The following TPBG variants were observed in gnomAD, a reference collection of about 807,000 sequenced individuals.
The protein encoded by TPBG is trophoblast glycoprotein, also known as 5T4 oncofetal antigen.
A neutral mutation model predicts 19.3 loss-of-function variants in TPBG; 13 were observed. The observed-to-expected ratio is 0.67, with a 90% CI of 0.44 to 1.07. The LOEUF is 1.07. Ranked by LOEUF, TPBG falls within the 50% of genes least tolerant of loss-of-function variation. The pLI, the probability that TPBG is intolerant of heterozygous loss-of-function variation, is 0.00. For missense variants in TPBG, 642 were observed against 559.6 expected, an observed-to-expected ratio of 1.15 and a Z score of -1.49; for synonymous variants, 338 against 259.8, an observed-to-expected ratio of 1.30 and a Z score of -2.89.
Position 82,364,899 on chromosome 6 carries a change from C to T in TPBG, c.-63C>T. ...TCCGCCGGCTCGCGCCCTCCGGGCCCAGCCTCCCGAGCCTTCGGAGCGGGC... is the reference window on the plus strand; with the variant it reads ...TCCGCCGGCTCGCGCCCTCCGGGCCTAGCCTCCCGAGCCTTCGGAGCGGGC... On this transcript the variant is annotated 5_prime_UTR_variant, in exon 2 of 2. Transcript: ENST00000369750. 1 of 1,319,480 alleles carries T rather than the reference C, an allele frequency of 7.6e-7. No individual in the cohort carries two copies. The highest frequency in any genetic ancestry group is 9.8e-7 in the Non-Finnish European group (1 of 1,018,848). 81.7% of individuals were successfully genotyped at this position (1,319,480 alleles called of 1,614,324 possible). A position where few individuals can be genotyped will look rare whatever the true frequency, so the allele number is the denominator to read the frequency against.
upstream of TPBG, chr6:82,363,647 AG>A (rs1767381284): frequency 6.6e-6 from 1 of 152,436 alleles, no homozygotes; most frequent in East Asian, 1.9e-4. Flanking sequence ...TTCCACCAGG[AG>A]GAGGCGCGCA....
chr6:82,365,145 T>C lies in TPBG; in HGVS notation c.184T>C (p.Cys62Arg). ...CGCCCAGCCCCCGCTGCCGGACCAGTGCCCCGCGCTGTGCGAGTGCTCCGA... is the reference window on the plus strand; with the variant it reads ...CGCCCAGCCCCCGCTGCCGGACCAGCGCCCCGCGCTGTGCGAGTGCTCCGA... The part of the protein sequence containing the change: ...VSAQPPLPDQ[C>R]PALCECSEAA... The change falls in exon 2 of 2, where the codon TGC becomes CGC. Residue 62 changes from cysteine (C) to arginine (R), a missense_variant. Coordinates refer to ENST00000369750, the MANE Select transcript of TPBG (RefSeq NM_001376922.1). The C allele has an allele frequency of 6.2e-7, 1 of 1,604,686 alleles. No individual in the cohort carries two copies. Among genetic ancestry groups the C allele is most frequent in the South Asian group, 1.1e-5 (1 of 89,824 alleles).
At chr6:82,363,982 A>T (rs890593026) in intron 1 of TPBG, 74 bp downstream of exon 1, 1 of 152,280 alleles carries the variant, frequency 6.6e-6, no homozygotes, top group African/African-American at 2.4e-5. Context: ...CCTCGGGTGG[A>T]GAGTAGGGTT....
chr6:82,363,789 G>T (rs1441115927), upstream of TPBG: 1 of 152,488 alleles, frequency 6.6e-6, no homozygotes, highest in African/African-American at 2.4e-5. Context: ...AGCTGCGGAG[G>T]TTGGGAGGTT....
In TPBG at chr6:82,365,347, G is replaced by T; in HGVS notation, c.386G>T (p.Arg129Leu). 6.3e-7 allele frequency: 1 copy of T among 1,579,038 alleles called. No individual in the cohort carries two copies. Among genetic ancestry groups the T allele is most frequent in the South Asian group, 1.1e-5 (1 of 87,004 alleles). Residue 129 changes from arginine to leucine, a missense_variant, in exon 2 of 2, where the codon CGC becomes CTC. Coordinates refer to ENST00000369750, the MANE Select transcript of TPBG (RefSeq NM_001376922.1). ...ELAALNLSGS[R>L]LDEVRAGAFE... ...GCCGCGCTCAACCTCAGCGGCAGCC[G>T]CCTGGACGAGGTGCGCGCGGGCGCC...
At position 82,367,158 on chromosome 6, in the gene TPBG, A is replaced by C. The variant is rs200388320; in HGVS notation, c.*934A>C. 8 of 167,228 alleles carry C rather than the reference A, an allele frequency of 4.8e-5. No individual in the cohort carries two copies. In the East Asian group the frequency reaches 1.5e-3, roughly 32 times the overall value. 10.4% of individuals were successfully genotyped at this position (167,228 alleles called of 1,614,324 possible). Reference sequence around the variant, plus strand: ...GGTCCCAAAGTTAATGCTATTTATGAAACAGTTTTGTAAGAACATAATGAA... The same window carrying C: ...GGTCCCAAAGTTAATGCTATTTATGCAACAGTTTTGTAAGAACATAATGAA... On this transcript the variant is annotated 3_prime_UTR_variant, in exon 2 of 2. Coordinates refer to ENST00000369750, the MANE Select transcript of TPBG (RefSeq NM_001376922.1).
Position 82,366,010 on chromosome 6 carries a change from C to A in TPBG, c.1049C>A (p.Pro350Gln), listed in dbSNP as rs766843054. Reference protein sequence around the residue: ...ADLDCDPILPPSLQTSYVFLG... With the variant: ...ADLDCDPILPQSLQTSYVFLG... ...CTGGACTGTGACCCGATTCTTCCCC[C>A]ATCCCTGCAAACCTCTTATGTCTTC... is the stretch of plus-strand genomic sequence containing the variant. Residue 350 changes from proline to glutamine, a missense_variant, in exon 2 of 2, where the codon CCA becomes CAA. By Grantham distance (76) the Pro-to-Gln change is moderately conservative. Coordinates refer to ENST00000369750, the MANE Select transcript of TPBG (RefSeq NM_001376922.1). 1.2e-6 allele frequency: 2 copies of A among 1,613,572 alleles called. No individual in the cohort carries two copies. Among genetic ancestry groups the A allele is most frequent in the African/African-American group, 2.7e-5 (2 of 74,928 alleles).
At position 82,365,336 on chromosome 6, in the gene TPBG, C is replaced by T. The variant is rs1014118331; in HGVS notation, c.375C>T (p.Leu125=). The change falls in exon 2 of 2, where the codon CTC becomes CTT. Residue 125 remains leucine, a synonymous_variant. Transcript: ENST00000369750. ...TGGCGGAGCTGGCCGCGCTCAACCTCAGCGGCAGCCGCCTGGACGAGGTGC... is the reference window on the plus strand; with the variant it reads ...TGGCGGAGCTGGCCGCGCTCAACCTTAGCGGCAGCCGCCTGGACGAGGTGC... The part of the protein sequence containing the change: ...PPLAELAALN[L]SGSRLDEVRA... The T allele has an allele frequency of 1.9e-6, 3 of 1,578,420 alleles. No individual in the cohort carries two copies. Among genetic ancestry groups the T allele is most frequent in the Middle Eastern group, 1.7e-4 (1 of 5,942 alleles).
At position 82,363,863 on chromosome 6, in the gene TPBG, A is replaced by G. The variant is rs1401378280; in HGVS notation, c.-385A>G. The G allele has an allele frequency of 6.6e-6, 1 of 152,374 alleles. No individual in the cohort carries two copies. Among genetic ancestry groups the G allele is most frequent in the Non-Finnish European group, 1.5e-5 (1 of 68,394 alleles). The allele number at this position is 152,374 out of a possible 1,614,324, so 9.4% of individuals were successfully genotyped here. On this transcript the variant is annotated 5_prime_UTR_variant, in exon 1 of 2. Coordinates refer to ENST00000369750, the MANE Select transcript of TPBG (RefSeq NM_001376922.1). ...AACGCGGAGCCGGGAAGTCGTCGCT[A>G]CTCTGGTGGAACTCAGAGTTGGTTC...
chr6:82,365,676 C>G lies in TPBG; in HGVS notation c.715C>G (p.Leu239Val), dbSNP rs765163936. 1 of 1,604,200 alleles carries G rather than the reference C, an allele frequency of 6.2e-7. No individual in the cohort carries two copies. The highest frequency in any genetic ancestry group is 2.2e-5 in the East Asian group (1 of 44,826). ...VLAQLPSLRHLDLSNNSLVSL... is the reference protein window; with the variant it reads ...VLAQLPSLRHVDLSNNSLVSL... ...GGCCCAACTGCCCAGCCTCAGGCAC[C>G]TGGACTTAAGTAATAATTCGCTGGT... Residue 239 changes from leucine to valine, a missense_variant, in exon 2 of 2, where the codon CTG (leucine) becomes GTG (valine). Leu to Val is a conservative substitution (Grantham distance 32). Transcript: ENST00000369750.
Position 82,364,239 on chromosome 6 carries a change from G to A in TPBG, c.-340+331G>A, listed in dbSNP as rs995048157. 2.6e-5 allele frequency: 4 copies of A among 152,612 alleles called. No homozygotes were observed. In the East Asian group the frequency reaches 7.8e-4, roughly 30 times the overall value. 9.5% of individuals were successfully genotyped at this position (152,612 alleles called of 1,614,324 possible). On this transcript the variant is annotated intron_variant, in intron 1 of 1. Coordinates refer to ENST00000369750, the MANE Select transcript of TPBG (RefSeq NM_001376922.1). ...TGGTGGAGAGGTCTGGGCGGGGGCG[G>A]AGACACCCGGAGGCCGACCTTCCGC...
In TPBG at chr6:82,365,075, A is replaced by ATCCTCCTTC. The variant is rs1767444781; in HGVS notation, c.122_130dup (p.Phe41_Ser43dup). ...CCTCGTCTTCTCCCACCTCCTCGGC[A>ATCCTCCTTC]TCCTCCTTCTCCTCCTCGGCGCCGT... On this transcript the variant is annotated inframe_insertion, in exon 2 of 2. Coordinates refer to ENST00000369750, the MANE Select transcript of TPBG (RefSeq NM_001376922.1). 3 of 1,559,824 alleles carry ATCCTCCTTC rather than the reference A, an allele frequency of 1.9e-6. No homozygotes were observed. The highest frequency in any genetic ancestry group is 1.2e-5 in the South Asian group (1 of 85,160).
At position 82,363,901 on chromosome 6, in the gene TPBG, A is replaced by C. The variant is rs917703385; in HGVS notation, c.-347A>C. On this transcript the variant is annotated 5_prime_UTR_variant, in exon 1 of 2. Transcript: ENST00000369750. The stretch of plus-strand genomic sequence containing the variant: ...TCAGAGTTGGTTCTGGAGGCGGCGG[A>C]CGCGGAGGTGAGCAGTGGGAGCCCG... 2 of 152,818 alleles carry C rather than the reference A, an allele frequency of 1.3e-5. No homozygotes were observed. Among genetic ancestry groups the C allele is most frequent in the Admixed American group, 1.3e-4 (2 of 15,292 alleles). 9.5% of individuals were successfully genotyped at this position (152,818 alleles called of 1,614,324 possible).
rs1364449723 is a variant in TPBG at position 82,366,735 on chromosome 6, C to G, written c.*511C>G. On this transcript the variant is annotated 3_prime_UTR_variant, in exon 2 of 2. Transcript: ENST00000369750. ...CCATGGTGCACAGGAGCACCTGCAT[C>G]CAAGAGCATGCTTACATTTTACTGT... The G allele has an allele frequency of 6.0e-6, 1 of 167,198 alleles. No individual in the cohort carries two copies. The highest frequency in any genetic ancestry group is 1.5e-5 in the Non-Finnish European group (1 of 68,278). 10.4% of individuals were successfully genotyped at this position (167,198 alleles called of 1,614,324 possible).
chr6:82,363,550 T>G (rs953391219), upstream of TPBG: 1 of 151,862 alleles, frequency 6.6e-6, no homozygotes, highest in African/African-American at 2.4e-5. Context: ...GTAAATACAG[T>G]ATGCAAAATG....
chr6:82,363,154 A>G (rs1570140), upstream of TPBG: 86,340 of 151,750 alleles, frequency 0.57, 25,235 homozygotes, highest in Non-Finnish European at 0.63. Context: ...TTGGTAAGAG[A>G]AAAGCTAATG....
In TPBG at chr6:82,365,259, G is replaced by A; in HGVS notation, c.298G>A (p.Gly100Ser). ...CTACGTGCGCAACCTCTTCCTTACC[G>A]GCAACCAGCTGGCCGTGCTCCCTGC... ...PAYVRNLFLT[G>S]NQLAVLPAGA... is the part of the protein sequence containing the mutation. Residue 100 changes from glycine (G) to serine (S), a missense_variant, in exon 2 of 2, where the codon GGC (glycine) becomes AGC (serine). Coordinates refer to ENST00000369750, the MANE Select transcript of TPBG (RefSeq NM_001376922.1). The A allele has an allele frequency of 6.3e-7, 1 of 1,581,810 alleles. No homozygotes were observed. Among genetic ancestry groups the A allele is most frequent in the Non-Finnish European group, 8.5e-7 (1 of 1,171,776 alleles).
At chr6:82,363,355 G>A (rs1235662751), upstream of TPBG, 1 of 152,094 alleles carries the variant, frequency 6.6e-6, no homozygotes, top group Non-Finnish European at 1.5e-5. Context: ...TTGATGGGGA[G>A]AGCTTCTGAA....
chr6:82,365,364 G>C lies in TPBG; in HGVS notation c.403G>C (p.Ala135Pro), dbSNP rs1245348804. The change falls in exon 2 of 2, where the codon GCG becomes CCG. Residue 135 changes from alanine to proline, a missense_variant. Coordinates refer to ENST00000369750, the MANE Select transcript of TPBG (RefSeq NM_001376922.1). The part of the protein sequence containing the change: ...LSGSRLDEVR[A>P]GAFEHLPSLR... ...CGGCAGCCGCCTGGACGAGGTGCGC[G>C]CGGGCGCCTTCGAGCATCTGCCCAG... The C allele has an allele frequency of 3.8e-6, 6 of 1,585,620 alleles. No homozygotes were observed. Among genetic ancestry groups the C allele is most frequent in the Non-Finnish European group, 5.1e-6 (6 of 1,171,574 alleles).
Sources: allele counts gnomAD v4.1 joint callset, GRCh38; gene constraint gnomAD v4.1.1; transcripts MANE v1.5; gene names NCBI Gene and HGNC (gene_info 2026-07-23, HGNC 2026-07-21).